The following B3GLCT variants were observed in gnomAD, a reference collection of about 807,000 sequenced individuals.
The protein encoded by B3GLCT is beta 3-glucosyltransferase.
A neutral mutation model predicts 63.4 loss-of-function variants in B3GLCT; 65 were observed. The ratio of observed to expected loss-of-function variants is 1.03; its 90% CI spans 0.84 to 1.26. B3GLCT has a LOEUF of 1.26. B3GLCT is among the 50% of genes most tolerant of loss of function. B3GLCT has a pLI of 0.00. For synonymous variants in B3GLCT, 233 were observed against 219.2 expected (o/e 1.06, Z -0.55); for missense variants, 577 against 604.8 (o/e 0.95, Z 0.48).
At chr13:31,319,577 C>G (rs776983620) in intron 13 of B3GLCT, among the ~76,000 whole-genome samples, 6 of 152,224 alleles carry the variant, frequency 3.9e-5, no homozygotes, top group Non-Finnish European at 8.8e-5. Flanking sequence ...ATCCTTCTTT[C>G]TGGTCATTCC....
chr13:31,256,155 T>C (rs1871728214), intron 6 of B3GLCT, among the ~76,000 whole-genome samples: 1 of 152,156 alleles, frequency 6.6e-6, no homozygotes, highest in African/African-American at 2.4e-5. Context: ...TCAAGACATT[T>C]ATGCAGCCAA....
chr13:31,287,935 A>G (rs149594278), intron 12 of B3GLCT, among the ~76,000 whole-genome samples: 1 of 152,250 alleles, frequency 6.6e-6, no homozygotes, highest in Non-Finnish European at 1.5e-5. Flanking sequence ...CATTGCAATA[A>G]TAACTATCCA....
chr13:31,316,616 C>T (rs558342259), intron 12 of B3GLCT, among the ~76,000 whole-genome samples: 16 of 151,218 alleles, frequency 1.1e-4, no homozygotes, highest in South Asian at 6.3e-4. Context: ...GGAATATTTA[C>T]CCCCTGTATC....
chr13:31,283,709 A>G (rs1873180104), intron 10 of B3GLCT, among the ~76,000 whole-genome samples: 1 of 152,166 alleles, frequency 6.6e-6, no homozygotes, highest in Non-Finnish European at 1.5e-5. Context: ...TTAGCTAAAC[A>G]CTTAAATTTT....
chr13:31,222,796 C>T (rs1029675335), intron 2 of B3GLCT, among the ~76,000 whole-genome samples, 156 bp from the exon 3 acceptor site: 10 of 152,226 alleles, frequency 6.6e-5, no homozygotes, highest in African/African-American at 2.2e-4. Context: ...CCTTAGGTTT[C>T]GGTCTCATTT....
At chr13:31,208,407 C>CT (rs1189670093) in intron 1 of B3GLCT, among the ~76,000 whole-genome samples, 2 of 152,142 alleles carry the variant, frequency 1.3e-5, no homozygotes, top group African/African-American at 2.4e-5. Flanking sequence ...GCTGCAGCCG[C>CT]TATTGCACGC....
intron 6 of B3GLCT, among the ~76,000 whole-genome samples, chr13:31,260,011 C>T (rs1000531869): frequency 5.9e-5 from 9 of 152,212 alleles, no homozygotes; most frequent in East Asian, 3.9e-4. Context: ...GGAAGTCTTT[C>T]GTTACACTTA....
At position 31,323,884 on chromosome 13, in the gene B3GLCT, C is replaced by G. The variant is rs142935066; in HGVS notation, c.1318C>G (p.Leu440Val). The G allele has an allele frequency of 8.3e-5, 134 of 1,614,080 alleles. No individual in the cohort carries two copies. Among genetic ancestry groups the G allele is most frequent in the East Asian group, 4.5e-5 (2 of 44,900 alleles). ...GGGAATCCCTGTGACACACAGCCCT[C>G]TCTTCCATCAGGTGAGGAAATGGTT... is the stretch of plus-strand genomic sequence containing the variant. ...GLGIPVTHSP[L>V]FHQARPVDYP... is the part of the protein sequence containing the mutation. The change falls in exon 14 of 15, where the codon CTC becomes GTC. Residue 440 changes from leucine to valine, a missense_variant. Transcript: ENST00000343307.
At chr13:31,234,468 G>GC (rs1870543061) in intron 4 of B3GLCT, among the ~76,000 whole-genome samples, 1 of 152,200 alleles carries the variant, frequency 6.6e-6, no homozygotes, top group African/African-American at 2.4e-5. Flanking sequence ...GCTGAGCCTG[G>GC]AACTGAGCCT....
intron 1 of B3GLCT, among the ~76,000 whole-genome samples, chr13:31,200,537 C>G (rs1205898508): frequency 2.0e-5 from 3 of 150,430 alleles, no homozygotes; most frequent in African/African-American, 7.3e-5. Flanking sequence ...TTTGCAACAG[C>G]GCGAGTGGCG....
chr13:31,315,691 A>G (rs1874964864), intron 12 of B3GLCT, among the ~76,000 whole-genome samples: 2 of 152,246 alleles, frequency 1.3e-5, no homozygotes, highest in South Asian at 2.1e-4. Context: ...AAATTTGTGT[A>G]AGTAACAAGG....
chr13:31,261,201 T>G, intron 7 of B3GLCT, 119 bp downstream of exon 7: 1 of 1,203,610 alleles, frequency 8.3e-7, no homozygotes, highest in South Asian at 1.5e-5. Context: ...CCAGAGGCAG[T>G]GTGTGGTAAG....
At position 31,286,724 on chromosome 13, in the gene B3GLCT, T is replaced by C. The variant is rs1873351607; in HGVS notation, c.969T>C (p.His323=). ...TTTTTTTCTTGCCTTTTCTAGGTCATTGTGGAAAGACATTTGCCATTTTGG... is the reference window on the plus strand; with the variant it reads ...TTTTTTTCTTGCCTTTTCTAGGTCACTGTGGAAAGACATTTGCCATTTTGG... ...DLGIPNTDRG[H]CGKTFAILER... Residue 323 remains histidine, a synonymous_variant, in exon 12 of 15, where the codon CAT becomes CAC. Coordinates refer to ENST00000343307, the MANE Select transcript of B3GLCT (RefSeq NM_194318.4). The C allele has an allele frequency of 6.2e-7, 1 of 1,606,654 alleles. No individual in the cohort carries two copies. The highest frequency in any genetic ancestry group is 2.2e-5 in the East Asian group (1 of 44,798).
At chr13:31,244,113 A>G (rs1871082715) in intron 4 of B3GLCT, among the ~76,000 whole-genome samples, 3 of 152,240 alleles carry the variant, frequency 2.0e-5, no homozygotes, top group Admixed American at 2.0e-4. Flanking sequence ...GCTCTTGGTA[A>G]TGTTGATATA....
At chr13:31,266,670 G>A (rs926330874) in intron 7 of B3GLCT, among the ~76,000 whole-genome samples, 1 of 152,196 alleles carries the variant, frequency 6.6e-6, no homozygotes, top group African/African-American at 2.4e-5. Context: ...TGATATTGAG[G>A]TTGTGGTACA....
chr13:31,246,343 T>C (rs1365182097), intron 4 of B3GLCT, among the ~76,000 whole-genome samples: 1 of 152,244 alleles, frequency 6.6e-6, no homozygotes, highest in Non-Finnish European at 1.5e-5. Context: ...TTAATCTCTC[T>C]TTATATATGT....
chr13:31,269,266 T>A lies in B3GLCT; in HGVS notation c.649T>A (p.Leu217Ile), dbSNP rs1872474923. 2 of 1,602,978 alleles carry A rather than the reference T, an allele frequency of 1.2e-6. No individual in the cohort carries two copies. The highest frequency in any genetic ancestry group is 2.7e-5 in the African/African-American group (2 of 74,694). Residue 217 changes from leucine (L) to isoleucine (I), a missense_variant, in exon 8 of 15, where the codon TTA becomes ATA. Leu to Ile is a conservative substitution (Grantham distance 5). Transcript: ENST00000343307. ...CTTGAAATCCGACTTTACAATAGATTTAAAACATGAGGTATGTCATGTTTT... is the reference window on the plus strand; with the variant it reads ...CTTGAAATCCGACTTTACAATAGATATAAAACATGAGGTATGTCATGTTTT... Reference protein sequence around the residue: ...ESLKSDFTIDLKHEIALYIWD... With the variant: ...ESLKSDFTIDIKHEIALYIWD...
chr13:31,208,575 C>A (rs1156674538), intron 1 of B3GLCT, among the ~76,000 whole-genome samples: 8 of 144,170 alleles, frequency 5.5e-5, no homozygotes, highest in African/African-American at 2.0e-4. Flanking sequence ...CACCCCCCAC[C>A]CGGGTGCTCT....
At chr13:31,327,624 C>T (rs1436767092) in intron 14 of B3GLCT, among the ~76,000 whole-genome samples, 7 of 152,160 alleles carry the variant, frequency 4.6e-5, no homozygotes, top group Admixed American at 1.3e-4. Flanking sequence ...TATCTTCTAA[C>T]GGAATTGAGA....
Sources: allele counts gnomAD v4.1 joint callset (sites outside exome capture counted in the v4.1 genomes callset), GRCh38; gene constraint gnomAD v4.1.1; transcripts MANE v1.5; gene names NCBI Gene and HGNC (gene_info 2026-07-23, HGNC 2026-07-21).